WDHD1: variants seen among roughly 807,000 people sequenced by gnomAD.
WDHD1 encodes the protein WD repeat and HMG-box DNA-binding protein 1.
Under a neutral mutation model 135.4 loss-of-function variants are expected in WDHD1, and 111 were observed. The observed-to-expected ratio is 0.82, with a 90% CI of 0.70 to 0.96. The LOEUF is 0.96. Ranked by LOEUF, WDHD1 falls within the 40% of genes least tolerant of loss-of-function variation. WDHD1 has a pLI of 0.00. For synonymous variants in WDHD1, 434 were observed against 439.0 expected (o/e 0.99, Z 0.14); for missense variants, 1,351 against 1,336.3 (o/e 1.01, Z -0.17).
chr14:54,983,662 G>A (rs1313428335), intron 15 of WDHD1, among the ~76,000 whole-genome samples: 2 of 147,990 alleles, frequency 1.4e-5, no homozygotes, highest in Non-Finnish European at 3.0e-5. Flanking sequence ...AACAGAGCAA[G>A]ACTCCTAATT....
At chr14:55,013,452 T>C in intron 3 of WDHD1, 33 bp downstream of exon 3, 1 of 1,430,416 alleles carries the variant, frequency 7.0e-7, no homozygotes, top group Non-Finnish European at 9.9e-7. Context: ...GCCAGTATCA[T>C]TTCATATCAA....
chr14:54,996,151 T>C (rs8022049), intron 10 of WDHD1, among the ~76,000 whole-genome samples: 45,782 of 152,086 alleles, frequency 0.3, 6,933 homozygotes, highest in South Asian at 0.34. Context: ...ATAAAGTCCC[T>C]ATAAAGTCTG....
chr14:55,002,276 A>T, intron 7 of WDHD1, 91 bp from the exon 8 acceptor site: 1 of 906,312 alleles, frequency 1.1e-6, no homozygotes, highest in Non-Finnish European at 1.7e-6. Context: ...AGATATATTT[A>T]CAAGACATAA....
At chr14:54,941,717 G>A (rs1595047233) in intron 25 of WDHD1, 27 bp from the exon 26 acceptor site, 13 of 1,566,728 alleles carry the variant, frequency 8.3e-6, no homozygotes, top group Non-Finnish European at 1.0e-5. Context: ...GAGTGAAAAG[G>A]AAAGATTTTT....
chr14:55,000,422 T>C, intron 10 of WDHD1, 81 bp downstream of exon 10: 1 of 1,365,764 alleles, frequency 7.3e-7, no homozygotes, highest in Non-Finnish European at 9.6e-7. Flanking sequence ...TCCAAGAAAG[T>C]AAGGCAGTTT....
intron 24 of WDHD1, among the ~76,000 whole-genome samples, chr14:54,952,723 C>T (rs774204927): frequency 2.0e-5 from 3 of 152,114 alleles, no homozygotes; most frequent in Non-Finnish European, 4.4e-5. Flanking sequence ...GGAGGCATCA[C>T]GCTACCTGAC....
At chr14:54,973,563 G>A (rs945927462) in intron 16 of WDHD1, among the ~76,000 whole-genome samples, 3 of 152,108 alleles carry the variant, frequency 2.0e-5, no homozygotes, top group African/African-American at 7.2e-5. Context: ...GTGGCAGTGT[G>A]AATACCTCAA....
intron 14 of WDHD1, 135 bp from the exon 15 acceptor site, chr14:54,984,995 C>G: frequency 9.4e-7 from 1 of 1,063,840 alleles, no homozygotes; most frequent in African/African-American, 1.6e-5. Context: ...ATAACCCATC[C>G]AACTGAGGCA....
chr14:54,997,178 C>T (rs924991411), intron 10 of WDHD1, among the ~76,000 whole-genome samples: 2 of 141,178 alleles, frequency 1.4e-5, no homozygotes, highest in Non-Finnish European at 3.0e-5. Context: ...TCACTGCAAA[C>T]TTCATCTCCC....
intron 14 of WDHD1, among the ~76,000 whole-genome samples, chr14:54,986,473 A>ACACCG (rs1286549054): frequency 6.6e-6 from 1 of 152,126 alleles, no homozygotes; most frequent in Non-Finnish European, 1.5e-5. Flanking sequence ...ACACCACACC[A>ACACCG]TACCTGGTCC....
chr14:54,955,214 AT>A (rs2041132474), intron 24 of WDHD1, among the ~76,000 whole-genome samples: 2 of 152,314 alleles, frequency 1.3e-5, no homozygotes, highest in South Asian at 4.1e-4. Context: ...GGAGACAGAA[AT>A]TAGTTGGATG....
chr14:54,954,714 T>C (rs2041123213), intron 24 of WDHD1, among the ~76,000 whole-genome samples: 1 of 152,342 alleles, frequency 6.6e-6, no homozygotes, highest in African/African-American at 2.4e-5. Flanking sequence ...TGCTATAGTA[T>C]AAAGAAGTTC....
intron 7 of WDHD1, among the ~76,000 whole-genome samples, chr14:55,006,632 C>A (rs1204915095): frequency 6.6e-6 from 1 of 152,092 alleles, no homozygotes; most frequent in African/African-American, 2.4e-5. Context: ...TTTCTGTTGT[C>A]TAACTGTATC....
Position 54,953,499 on chromosome 14 carries a change from T to C in WDHD1, c.3050+2062A>G, listed in dbSNP as rs1208584607. On this transcript the variant is annotated intron_variant, in intron 24 of 25. Coordinates refer to ENST00000360586, the MANE Select transcript of WDHD1 (RefSeq NM_007086.4). ...AGGTGCTGGAGAGGATGTGGAGAAA[T>C]AGGAACACTTTTACACTGTTGGTGG... 6.6e-5 allele frequency among the ~76,000 whole-genome samples: 10 copies of C among 152,232 alleles called. No individual in the cohort carries two copies. The South Asian group carries it at 2.1e-3, about 32-fold the overall frequency.
In WDHD1 at chr14:54,991,350, C is replaced by CT. The variant is rs774955499; in HGVS notation, c.1203dup (p.Asp402ArgfsTer21). The CT allele has an allele frequency of 6.2e-7, 1 of 1,614,186 alleles. No homozygotes were observed. Among genetic ancestry groups the CT allele is most frequent in the African/African-American group, 1.3e-5 (1 of 75,048 alleles). ...TTGTGAATGCTGCCTTCTTGACCAT[C>CT]TTCCTCCTCCTCTTTGAGAAGACTA... is the stretch of plus-strand genomic sequence containing the variant. On this transcript the variant is annotated frameshift_variant, in exon 12 of 26. Transcript: ENST00000360586. LOFTEE classifies it high-confidence loss of function.
rs971521198 is a variant in WDHD1 at position 54,962,746 on chromosome 14, T to G, written c.2639A>C (p.His880Pro). 6.2e-7 allele frequency: 1 copy of G among 1,613,528 alleles called. No individual in the cohort carries two copies. The highest frequency in any genetic ancestry group is 1.3e-5 in the African/African-American group (1 of 74,918). Residue 880 changes from histidine to proline, a missense_variant, in exon 20 of 26, where the codon CAT becomes CCT. By Grantham distance (77) the His-to-Pro change is moderately conservative. Coordinates refer to ENST00000360586, the MANE Select transcript of WDHD1 (RefSeq NM_007086.4). Reference protein sequence around the residue: ...EADDEEKPEIHKPGQNSFSKS... With the variant: ...EADDEEKPEIPKPGQNSFSKS... ...TTGAAAATGTATCTCACCAGGCTTA[T>G]GTATTTCTGGTTTTTCTTCATCATC...
chr14:54,955,987 C>T (rs2041153646), intron 23 of WDHD1, among the ~76,000 whole-genome samples: 2 of 151,236 alleles, frequency 1.3e-5, no homozygotes, highest in South Asian at 4.2e-4. Flanking sequence ...AACCTCCACC[C>T]TCCGAGTTCA....
chr14:54,941,494 T>G lies in WDHD1; in HGVS notation c.3386A>C (p.Glu1129Ala), dbSNP rs1339919484. The G allele has an allele frequency of 6.2e-7, 1 of 1,609,744 alleles. No individual in the cohort carries two copies. Among genetic ancestry groups the G allele is most frequent in the African/African-American group, 1.3e-5 (1 of 74,724 alleles). ...CCCTAGGGTCACTTTCTTCCTTTACTCCTGCTTAAATGCAAAAGCTGATAG... is the reference window on the plus strand; with the variant it reads ...CCCTAGGGTCACTTTCTTCCTTTACGCCTGCTTAAATGCAAAAGCTGATAG... ...QKLSAFAFKQ[E>A] The change falls in exon 26 of 26, where the codon GAG becomes GCG. Residue 1129 changes from glutamate to alanine, a missense_variant. Glu to Ala is a moderately radical substitution (Grantham distance 107, BLOSUM62 -1). Around this residue, in one of 2 missense-constraint regions of WDHD1, gnomAD observed 1,330 missense variants for 1,296.1 expected, o/e 1.03. Transcript: ENST00000360586.
At chr14:54,977,086 TG>T (rs200342914) in intron 16 of WDHD1, among the ~76,000 whole-genome samples, 29 of 151,788 alleles carry the variant, frequency 1.9e-4, no homozygotes, top group Admixed American at 3.9e-4. Context: ...AAAATAAGGT[TG>T]TTTTTTTTTT....
Sources: gnomAD v4.1 joint callset for allele counts (sites outside exome capture counted in the v4.1 genomes callset) on GRCh38, gnomAD v4.1.1 for gene constraint, gnomAD v4.1.1 regional missense constraint, MANE v1.5 for transcripts, NCBI Gene and HGNC (gene_info 2026-07-23, HGNC 2026-07-21) for gene names.